Variants in CACNA1D observed in about 807,000 individuals in gnomAD.
CACNA1D encodes the protein calcium voltage-gated channel subunit alpha1 D.
Under a neutral mutation model 257.1 loss-of-function variants are expected in CACNA1D, and 55 were observed. That is an observed-to-expected ratio of 0.21 (90% CI 0.17 to 0.27). The LOEUF is 0.27. Ranked by LOEUF, CACNA1D falls within the 10% of genes least tolerant of loss-of-function variation. The pLI is 1.00. For missense variants in CACNA1D, 1,876 were observed against 2,784.0 expected, an observed-to-expected ratio of 0.67 and a Z score of 7.34; for synonymous variants, 980 against 1,014.9, an observed-to-expected ratio of 0.97 and a Z score of 0.65.
intron 39 of CACNA1D, among the ~76,000 whole-genome samples, chr3:53,784,484 A>C (rs2095442482): frequency 6.6e-6 from 1 of 152,034 alleles, no homozygotes; most frequent in Admixed American, 6.5e-5. Flanking sequence ...CCTAATTAGC[A>C]CAGTGTCTCA....
chr3:53,517,495 T>C (rs1439046514), intron 3 of CACNA1D, among the ~76,000 whole-genome samples: 5 of 151,636 alleles, frequency 3.3e-5, no homozygotes, highest in Admixed American at 3.3e-4. Context: ...TTCTTTTTTT[T>C]TTTTTTTAGA....
At chr3:53,564,663 G>A (rs1051608816) in intron 3 of CACNA1D, among the ~76,000 whole-genome samples, 2 of 152,062 alleles carry the variant, frequency 1.3e-5, no homozygotes, top group Non-Finnish European at 2.9e-5. Context: ...CGTTTATGGA[G>A]TACTTTGTAT....
chr3:53,758,384 C>G (rs12487452), intron 29 of CACNA1D, among the ~76,000 whole-genome samples: 28,933 of 152,134 alleles, frequency 0.19, 3,704 homozygotes, highest in East Asian at 0.64. Flanking sequence ...GGGAGTGAAT[C>G]CAGGCAGCAA....
intron 3 of CACNA1D, among the ~76,000 whole-genome samples, chr3:53,520,684 T>C (rs2091520127): frequency 6.6e-6 from 1 of 152,004 alleles, no homozygotes; most frequent in Non-Finnish European, 1.5e-5. Context: ...GAGAATCGCT[T>C]GAACCCAGGA....
In CACNA1D at chr3:53,770,492, G is replaced by A. The variant is rs1466737333; in HGVS notation, c.3984G>A (p.Lys1328=). The A allele has an allele frequency of 7.4e-6, 12 of 1,613,608 alleles. No homozygotes were observed. Among genetic ancestry groups the A allele is most frequent in the African/African-American group, 1.3e-5 (1 of 74,912 alleles). ...TTTTCCGAGTGATGCGATTGGTGAAGCTTCTCAGCAGGGGGGAAGGCATCC... is the reference window on the plus strand; with the variant it reads ...TTTTCCGAGTGATGCGATTGGTGAAACTTCTCAGCAGGGGGGAAGGCATCC... ...FRLFRVMRLV[K]LLSRGEGIRT... The change falls in exon 32 of 48, where the codon AAG becomes AAA. Residue 1328 remains lysine (K), a synonymous_variant. Transcript: ENST00000350061.
chr3:53,514,601 G>A (rs2091261581), intron 3 of CACNA1D, among the ~76,000 whole-genome samples: 1 of 152,156 alleles, frequency 6.6e-6, no homozygotes. Context: ...CACAGGCCCT[G>A]GCTCCTAGAA....
intron 40 of CACNA1D, chr3:53,798,030 C>G (rs2095515653): frequency 6.6e-6 from 1 of 152,200 alleles, no homozygotes; most frequent in African/African-American, 2.4e-5. Flanking sequence ...GATCCAAAAT[C>G]AGAAGTGAAC....
At position 53,692,302 on chromosome 3, in the gene CACNA1D, G is replaced by GAT. The variant is rs982516139; in HGVS notation, c.1221-10338_1221-10337insTA. Among the ~76,000 whole-genome samples the GAT allele has an allele frequency of 3.3e-5, 5 of 152,142 alleles. No individual in the cohort carries two copies. In the East Asian group the frequency reaches 7.7e-4, roughly 23 times the overall value. On this transcript the variant is annotated intron_variant, in intron 8 of 47. Coordinates refer to ENST00000350061, the MANE Select transcript of CACNA1D (RefSeq NM_001128840.3). ...GCAAAAGCGGAGTTCTAATCTGGAG[G>GAT]ACTCTAAGGTAGAGAAAAGTCTTTA...
intron 2 of CACNA1D, 115 bp from the exon 3 acceptor site, chr3:53,501,500 T>C (rs1427118941): frequency 1.5e-6 from 1 of 678,798 alleles, no homozygotes; most frequent in Non-Finnish European, 2.7e-6. Flanking sequence ...CGAAATAGGA[T>C]TTGTGTATGT....
chr3:53,802,808 C>T (rs1014615809), intron 43 of CACNA1D, among the ~76,000 whole-genome samples: 2 of 152,210 alleles, frequency 1.3e-5, no homozygotes, highest in African/African-American at 4.8e-5. Context: ...AGAGGATTGA[C>T]ATCACCACGT....
At chr3:53,602,534 A>C (rs1365522132) in intron 3 of CACNA1D, among the ~76,000 whole-genome samples, 2 of 152,216 alleles carry the variant, frequency 1.3e-5, no homozygotes, top group Non-Finnish European at 2.9e-5. Context: ...ACCCCCATAC[A>C]GTTTTCCATA....
rs368340190 is a variant in CACNA1D, at chr3:53,810,146, G to A, written c.6040G>A (p.Gly2014Ser). 3.9e-5 allele frequency: 63 copies of A among 1,613,846 alleles called. No homozygotes were observed. Among genetic ancestry groups the A allele is most frequent in the Non-Finnish European group, 4.7e-5 (56 of 1,180,038 alleles). ...GTCAGAGGCCCTGGACCAGGTGAAC[G>A]GCAGCCTGCCGTCCCTGCACCGCAG... is the stretch of plus-strand genomic sequence containing the variant. Reference protein sequence around the residue: ...EQSEALDQVNGSLPSLHRSSW... With the variant: ...EQSEALDQVNSSLPSLHRSSW... Residue 2014 changes from glycine (G) to serine (S), a missense_variant, in exon 47 of 48, where the codon GGC becomes AGC. Transcript: ENST00000350061.
intron 8 of CACNA1D, chr3:53,679,269 T>TAAAAA (rs1559504844): frequency 1.4e-3 from 9 of 6,374 alleles, no homozygotes; most frequent in Admixed American, 3.0e-3. Flanking sequence ...AAACTCCATC[T>TAAAAA]CAAAAAAAAA....
At chr3:53,691,912 A>ATG (rs1368742186) in intron 8 of CACNA1D, among the ~76,000 whole-genome samples, 9 of 65,160 alleles carry the variant, frequency 1.4e-4, no homozygotes, top group Middle Eastern at 4.2e-3. Flanking sequence ...TATATTATAT[A>ATG]TAATATATAT....
chr3:53,500,680 T>C (rs1028063897), intron 2 of CACNA1D, among the ~76,000 whole-genome samples: 4 of 152,230 alleles, frequency 2.6e-5, no homozygotes, highest in Admixed American at 2.6e-4. Context: ...CAAAACCTTG[T>C]ATTTGGAAAG....
intron 45 of CACNA1D, among the ~76,000 whole-genome samples, chr3:53,806,822 T>C (rs2095568543): frequency 6.6e-6 from 1 of 152,182 alleles, no homozygotes; most frequent in Non-Finnish European, 1.5e-5. Flanking sequence ...AAGTCACTCC[T>C]TTCCCATAAA....
intron 29 of CACNA1D, among the ~76,000 whole-genome samples, chr3:53,756,565 T>A (rs2095266586): frequency 6.6e-6 from 1 of 152,188 alleles, no homozygotes; most frequent in African/African-American, 2.4e-5. Context: ...ACCAGCTGGG[T>A]GTTGACCTGG....
Position 53,811,008 on chromosome 3 carries a change from C to T in CACNA1D, c.6193-105C>T, listed in dbSNP as rs2095597909. ...ACATGATTGAGCTGCATCCCCAAAG[C>T]ACACGGTGCAGTTAAGTTAGCACTG... is the stretch of plus-strand genomic sequence containing the variant. On this transcript the variant is annotated intron_variant, in intron 47 of 47. Coordinates refer to ENST00000350061, the MANE Select transcript of CACNA1D (RefSeq NM_001128840.3). This position sits in a 1 kb window ranked among gnomAD's most constrained non-coding sequence, Gnocchi z 4.2. 2 of 850,528 alleles carry T rather than the reference C, an allele frequency of 2.4e-6. No individual in the cohort carries two copies. The highest frequency in any genetic ancestry group is 3.5e-5 in the Admixed American group (2 of 57,396). The allele number at this position is 850,528 out of a possible 1,614,324, so 52.7% of individuals were successfully genotyped here.
chr3:53,603,239 G>C (rs2093467230), intron 3 of CACNA1D, among the ~76,000 whole-genome samples: 2 of 152,342 alleles, frequency 1.3e-5, no homozygotes, highest in African/African-American at 4.8e-5. Flanking sequence ...GCCAGTCACT[G>C]AAACTCTTTA....
Sources: allele counts gnomAD v4.1 joint callset (sites outside exome capture counted in the v4.1 genomes callset), GRCh38; gene constraint gnomAD v4.1.1; non-coding constraint Gnocchi (gnomAD v3.1); transcripts MANE v1.5; gene names NCBI Gene and HGNC (gene_info 2026-07-23, HGNC 2026-07-21).